Variants in GREB1L observed in about 807,000 individuals in gnomAD.
GREB1L encodes the protein GREB1 like retinoic acid receptor coactivator, also known as GREB1-like protein.
A neutral mutation model predicts 200.8 loss-of-function variants in GREB1L; 17 were observed. That is an observed-to-expected ratio of 0.08 (90% CI 0.06 to 0.13). GREB1L has a LOEUF of 0.13. Among genes scored for constraint, GREB1L ranks in the 10% least tolerant of loss-of-function variants. The pLI is 1.00. For synonymous variants in GREB1L, 789 were observed against 893.0 expected (o/e 0.88, Z 2.08); for missense variants, 1,657 against 2,367.7 (o/e 0.70, Z 6.23).
rs986307816 is a variant in GREB1L at position 21,496,702 on chromosome 18, A to G, written c.3391+4A>G. On this transcript the variant is annotated splice_donor_region_variant and intron_variant, in intron 21 of 32. Transcript: ENST00000424526. Reference sequence around the variant, plus strand: ...AGCGCTGTCACAGGGACCTCGGGTCAGTACTTTCTTTTCTCTTTCATGGAG... The same window carrying G: ...AGCGCTGTCACAGGGACCTCGGGTCGGTACTTTCTTTTCTCTTTCATGGAG... 4 of 1,550,514 alleles carry G rather than the reference A, an allele frequency of 2.6e-6. No homozygotes were observed. In the African/African-American group the frequency reaches 4.1e-5, roughly 16 times the overall value.
At chr18:21,410,031 A>G (rs1323053867) in intron 7 of GREB1L, among the ~76,000 whole-genome samples, 1 of 152,200 alleles carries the variant, frequency 6.6e-6, no homozygotes, top group Non-Finnish European at 1.5e-5. Context: ...TTTAAATTAG[A>G]AATTAGCATT....
intron 1 of GREB1L, among the ~76,000 whole-genome samples, chr18:21,342,181 A>T (rs533396647): frequency 4.1e-4 from 63 of 152,270 alleles, no homozygotes; most frequent in African/African-American, 1.5e-3. Flanking sequence ...TCAGTCCATC[A>T]TCATGGACTG....
intron 7 of GREB1L, among the ~76,000 whole-genome samples, chr18:21,429,315 CTCCTCTTCCTT>C (rs2032962583): frequency 7.4e-6 from 1 of 135,466 alleles, no homozygotes; most frequent in Non-Finnish European, 1.6e-5. Context: ...CTCCTCTCCT[CTCCTCTTCCTT>C]TCCTTTCTTC....
Position 21,520,794 on chromosome 18 carries a change from C to T in GREB1L, c.5579C>T (p.Ala1860Val). Reference sequence around the variant, plus strand: ...TACCTCTGTGACTCTTTTGTAGGTGCTGATCTTAAGAAATTTAAATTTCTA... The same window carrying T: ...TACCTCTGTGACTCTTTTGTAGGTGTTGATCTTAAGAAATTTAAATTTCTA... Reference protein sequence around the residue: ...LLYLCDSFVGADLKKFKFLKG... With the variant: ...LLYLCDSFVGVDLKKFKFLKG... The change falls in exon 32 of 33, where the codon GCT (alanine) becomes GTT (valine). Residue 1860 changes from alanine (A) to valine (V), a missense_variant. This residue lies in a region of GREB1L where 190 missense variants were observed against 230.2 expected (regional missense o/e 0.83). Transcript: ENST00000424526. 1.7e-6 allele frequency: 2 copies of T among 1,150,788 alleles called. No individual in the cohort carries two copies. The highest frequency in any genetic ancestry group is 2.2e-6 in the Non-Finnish European group (2 of 889,312). 71.3% of individuals were successfully genotyped at this position (1,150,788 alleles called of 1,614,324 possible). A position where few individuals can be genotyped will look rare whatever the true frequency, so the allele number is the denominator to read the frequency against.
chr18:21,269,556 G>A (rs2038045583), intron 1 of GREB1L, among the ~76,000 whole-genome samples: 1 of 152,004 alleles, frequency 6.6e-6, no homozygotes, highest in African/African-American at 2.4e-5. Context: ...CTTTCTGCCA[G>A]TAGGAATGAA....
intron 2 of GREB1L, among the ~76,000 whole-genome samples, chr18:21,383,078 G>A (rs1408959780): frequency 1.3e-5 from 2 of 151,928 alleles, no homozygotes; most frequent in Non-Finnish European, 1.5e-5. Flanking sequence ...CCCCCATCTA[G>A]AGTAATAGAT....
At chr18:21,327,418 C>T (rs2039038992) in intron 1 of GREB1L, among the ~76,000 whole-genome samples, 1 of 152,126 alleles carries the variant, frequency 6.6e-6, no homozygotes, top group Non-Finnish European at 1.5e-5. Flanking sequence ...AAATAAACGA[C>T]ATCTCAGCTC....
chr18:21,455,336 A>ACC (rs1196407235), intron 15 of GREB1L, among the ~76,000 whole-genome samples: 2 of 151,890 alleles, frequency 1.3e-5, no homozygotes, highest in Admixed American at 1.3e-4. Context: ...ACACACACAC[A>ACC]CACACACGCA....
intron 27 of GREB1L, among the ~76,000 whole-genome samples, chr18:21,510,213 C>CAAA (rs57710844): frequency 1.2e-5 from 1 of 84,150 alleles, no homozygotes. Context: ...AAACTGTCTC[C>CAAA]AAAAAAAAAA....
intron 1 of GREB1L, among the ~76,000 whole-genome samples, chr18:21,246,760 A>G (rs879679179): frequency 2.0e-5 from 3 of 152,236 alleles, no homozygotes; most frequent in Non-Finnish European, 4.4e-5. Context: ...GTAGCTGTTA[A>G]CTAAGATATA....
At chr18:21,320,331 A>C (rs547230018) in intron 1 of GREB1L, among the ~76,000 whole-genome samples, 1 of 152,310 alleles carries the variant, frequency 6.6e-6, no homozygotes, top group South Asian at 2.1e-4. Flanking sequence ...TAAAATATAT[A>C]TATAAAATGT....
chr18:21,439,458 A>C (rs1240760222), intron 7 of GREB1L, 63 bp from the exon 8 acceptor site: 13 of 947,560 alleles, frequency 1.4e-5, no homozygotes, highest in Non-Finnish European at 2.0e-5. Context: ...TGGTTCCAGC[A>C]TCCCAGAAAG....
At chr18:21,493,298 C>T (rs2036412474) in intron 19 of GREB1L, among the ~76,000 whole-genome samples, 1 of 152,206 alleles carries the variant, frequency 6.6e-6, no homozygotes, top group Non-Finnish European at 1.5e-5. Context: ...TGGAAGGATA[C>T]AAAGTTTAAG....
chr18:21,384,312 T>C lies in GREB1L; in HGVS notation c.264T>C (p.Asp88=), dbSNP rs1389838514. Residue 88 remains aspartate, a synonymous_variant, in exon 4 of 33, where the codon GAT becomes GAC. Coordinates refer to ENST00000424526, the MANE Select transcript of GREB1L (RefSeq NM_001142966.3). ...ATCTAACAGTTAATGAAATGGAAGATGATGAAGACGATGAAGAAATGTCTG... is the reference window on the plus strand; with the variant it reads ...ATCTAACAGTTAATGAAATGGAAGACGATGAAGACGATGAAGAAATGTCTG... ...SNNLTVNEME[D]DEDDEEMSDS... is the part of the protein sequence containing the mutation. The C allele has an allele frequency of 3.2e-6, 5 of 1,551,464 alleles. No homozygotes were observed. Among genetic ancestry groups the C allele is most frequent in the Non-Finnish European group, 4.4e-6 (5 of 1,146,630 alleles).
chr18:21,490,034 G>A lies in GREB1L; in HGVS notation c.2713G>A (p.Val905Ile). The A allele has an allele frequency of 1.3e-6, 2 of 1,551,702 alleles. No individual in the cohort carries two copies. Among genetic ancestry groups the A allele is most frequent in the Non-Finnish European group, 1.7e-6 (2 of 1,147,022 alleles). The change falls in exon 19 of 33, where the codon GTC becomes ATC. Residue 905 changes from valine (V) to isoleucine (I), a missense_variant. Coordinates refer to ENST00000424526, the MANE Select transcript of GREB1L (RefSeq NM_001142966.3). The part of the protein sequence containing the change: ...LERYPRLHSM[V>I]VRCYLLIQQY... ...AAGGTACCCCAGGCTGCACAGCATG[G>A]TCGTCCGCTGCTATCTTCTCATCCA...
intron 16 of GREB1L, among the ~76,000 whole-genome samples, chr18:21,476,137 G>A (rs1187708296): frequency 1.3e-5 from 2 of 151,950 alleles, no homozygotes; most frequent in Non-Finnish European, 2.9e-5. Context: ...TACATATCAT[G>A]GTTTGTCCTC....
At chr18:21,400,612 A>G (rs2041277511) in intron 5 of GREB1L, among the ~76,000 whole-genome samples, 2 of 152,190 alleles carry the variant, frequency 1.3e-5, no homozygotes. Context: ...TTACAAATCC[A>G]GGGTCCAGTA....
intron 1 of GREB1L, among the ~76,000 whole-genome samples, chr18:21,309,487 C>G (rs1867251): frequency 0.026 from 3,933 of 152,278 alleles, 177 homozygotes; most frequent in African/African-American, 0.087. Flanking sequence ...TCACTCTGTA[C>G]TACAGCCAGA....
Position 21,264,996 on chromosome 18 carries a change from G to A in GREB1L, c.-120+22603G>A, listed in dbSNP as rs1390562278. Among the ~76,000 whole-genome samples the A allele has an allele frequency of 7.2e-5, 11 of 152,206 alleles. No homozygotes were observed. In the East Asian group the frequency reaches 1.7e-3, roughly 24 times the overall value. ...ATTCTTATTCTTCCACATTCTTGCTGTTACTAAGGTAACAGATTTTTAGAG... is the reference window on the plus strand; with the variant it reads ...ATTCTTATTCTTCCACATTCTTGCTATTACTAAGGTAACAGATTTTTAGAG... On this transcript the variant is annotated intron_variant, in intron 1 of 32. Transcript: ENST00000424526.
Sources: allele counts gnomAD v4.1 joint callset (sites outside exome capture counted in the v4.1 genomes callset), GRCh38; gene constraint gnomAD v4.1.1; regional missense constraint gnomAD v4.1.1; transcripts MANE v1.5; gene names NCBI Gene and HGNC (gene_info 2026-07-23, HGNC 2026-07-21).